Variants in RABGAP1L observed in about 807,000 individuals in gnomAD.
RABGAP1L encodes rab GTPase-activating protein 1-like.
Under a neutral mutation model 137.7 loss-of-function variants are expected in RABGAP1L, and 63 were observed. The ratio of observed to expected loss-of-function variants is 0.46; its 90% CI spans 0.37 to 0.56. RABGAP1L has a LOEUF of 0.56. RABGAP1L is among the 20% of genes least tolerant of loss of function. RABGAP1L has a pLI of 0.00. For synonymous variants in RABGAP1L, 431 were observed against 433.7 expected (o/e 0.99, Z 0.08); for missense variants, 1,095 against 1,244.0 (o/e 0.88, Z 1.80).
At chr1:174,927,104 A>G (rs1662971541) in intron 19 of RABGAP1L, among the ~76,000 whole-genome samples, 1 of 151,994 alleles carries the variant, frequency 6.6e-6, no homozygotes, top group Non-Finnish European at 1.5e-5. Context: ...GGCCATGACA[A>G]TAAGCATCCT....
chr1:174,214,575 G>A (rs1435131581), intron 1 of RABGAP1L, among the ~76,000 whole-genome samples: 2 of 152,150 alleles, frequency 1.3e-5, no homozygotes, highest in Non-Finnish European at 2.9e-5. Context: ...CACATTATTT[G>A]CTTTTAAATT....
intron 13 of RABGAP1L, among the ~76,000 whole-genome samples, chr1:174,636,369 C>A (rs544233948): frequency 6.6e-6 from 1 of 151,862 alleles, no homozygotes; most frequent in East Asian, 1.9e-4. Flanking sequence ...AATACACACA[C>A]ACAAAAAAAA....
intron 14 of RABGAP1L, among the ~76,000 whole-genome samples, chr1:174,678,123 T>C (rs954845797): frequency 6.6e-6 from 1 of 152,138 alleles, no homozygotes; most frequent in Non-Finnish European, 1.5e-5. Flanking sequence ...CGAATTTATG[T>C]CAGTAACCTT....
chr1:174,933,214 A>G (rs1267393494), intron 19 of RABGAP1L, among the ~76,000 whole-genome samples: 2 of 152,080 alleles, frequency 1.3e-5, no homozygotes, highest in African/African-American at 4.8e-5. Context: ...CTAGTTTTTC[A>G]TCTTTCTGGA....
At chr1:174,765,249 T>A (rs1052459592) in intron 18 of RABGAP1L, among the ~76,000 whole-genome samples, 1 of 152,180 alleles carries the variant, frequency 6.6e-6, no homozygotes, top group Non-Finnish European at 1.5e-5. Flanking sequence ...ATGTTTTGAT[T>A]TGCATTCTCC....
At chr1:174,384,393 T>C (rs2149053579) in intron 12 of RABGAP1L, among the ~76,000 whole-genome samples, 1 of 151,672 alleles carries the variant, frequency 6.6e-6, no homozygotes, top group African/African-American at 2.4e-5. Context: ...AATTGTATAC[T>C]AAAAATGTGA....
At chr1:174,611,322 C>T (rs1439357266) in intron 13 of RABGAP1L, among the ~76,000 whole-genome samples, 5 of 151,996 alleles carry the variant, frequency 3.3e-5, no homozygotes, top group Admixed American at 3.3e-4. Flanking sequence ...AATCCTTTCC[C>T]CATTGCTTGT....
chr1:174,615,944 C>T (rs755152829), intron 13 of RABGAP1L, among the ~76,000 whole-genome samples: 5 of 152,188 alleles, frequency 3.3e-5, no homozygotes, highest in Non-Finnish European at 5.9e-5. Flanking sequence ...GTGCAGTATT[C>T]GGGTGGGAGT....
intron 1 of RABGAP1L, among the ~76,000 whole-genome samples, chr1:174,176,224 T>C (rs1440649115): frequency 6.6e-6 from 1 of 152,228 alleles, no homozygotes; most frequent in Admixed American, 6.5e-5. Context: ...ATATTAATGG[T>C]TAGTTGCCAT....
intron 1 of RABGAP1L, among the ~76,000 whole-genome samples, chr1:174,167,216 CCT>C (rs72439068): frequency 0.089 from 13,602 of 152,184 alleles, 815 homozygotes; most frequent in East Asian, 0.22. Context: ...GTTTTTTCCC[CCT>C]CTTTTTTGAG....
At chr1:174,935,548 T>G (rs1664628207) in intron 19 of RABGAP1L, 1 of 152,248 alleles carries the variant, frequency 6.6e-6, no homozygotes, top group Non-Finnish European at 1.5e-5. Flanking sequence ...CTGAAAATTA[T>G]AACATAGTAG....
chr1:174,719,575 C>T (rs1681316771), intron 17 of RABGAP1L, among the ~76,000 whole-genome samples: 1 of 152,134 alleles, frequency 6.6e-6, no homozygotes, highest in Non-Finnish European at 1.5e-5. Context: ...AATGGGGCTA[C>T]TTAAAGATTT....
At chr1:174,281,253 C>T (rs963686458) in intron 10 of RABGAP1L, among the ~76,000 whole-genome samples, 4 of 152,110 alleles carry the variant, frequency 2.6e-5, no homozygotes, top group East Asian at 1.9e-4. Context: ...GCCCAGCCTG[C>T]GCCCTGCTGA....
intron 19 of RABGAP1L, among the ~76,000 whole-genome samples, chr1:174,911,343 G>A (rs902952221): frequency 5.3e-5 from 8 of 152,200 alleles, no homozygotes; most frequent in Admixed American, 5.2e-4. Flanking sequence ...GTAATAATGA[G>A]TGCAAACGGC....
intron 19 of RABGAP1L, among the ~76,000 whole-genome samples, chr1:174,841,805 T>G (rs1409861048): frequency 1.3e-5 from 2 of 151,638 alleles, no homozygotes; most frequent in South Asian, 4.1e-4. Flanking sequence ...ATTGAAAAAA[T>G]AAATACTAAC....
intron 12 of RABGAP1L, among the ~76,000 whole-genome samples, chr1:174,387,961 A>G (rs1211760671): frequency 6.6e-6 from 1 of 152,124 alleles, no homozygotes; most frequent in Non-Finnish European, 1.5e-5. Flanking sequence ...CTACAGAAGT[A>G]TAAACTACTA....
intron 10 of RABGAP1L, among the ~76,000 whole-genome samples, chr1:174,289,456 A>G: frequency 6.6e-6 from 1 of 152,164 alleles, no homozygotes; most frequent in East Asian, 1.9e-4. Context: ...GTATTATTCT[A>G]AATTCTTTGT....
At chr1:174,745,087 G>A (rs771610428) in intron 17 of RABGAP1L, among the ~76,000 whole-genome samples, 24 of 152,178 alleles carry the variant, frequency 1.6e-4, no homozygotes, top group Admixed American at 1.4e-3. Flanking sequence ...CTTGGCATCA[G>A]CTGGACCACC....
chr1:174,870,516 A>T (rs2149051350), intron 19 of RABGAP1L, among the ~76,000 whole-genome samples: 1 of 152,300 alleles, frequency 6.6e-6, no homozygotes, highest in East Asian at 1.9e-4. Context: ...CTTATCCTTT[A>T]GCTTGCACAC....
Sources: gnomAD v4.1 joint callset for allele counts (sites outside exome capture counted in the v4.1 genomes callset) on GRCh38, gnomAD v4.1.1 for gene constraint, MANE v1.5 for transcripts, NCBI Gene and HGNC (gene_info 2026-07-23, HGNC 2026-07-21) for gene names.